Variants in IGBP1 observed in about 807,000 individuals in gnomAD.
IGBP1 encodes the protein immunoglobulin binding protein 1, also known as immunoglobulin-binding protein 1.
Under a neutral mutation model 25.9 loss-of-function variants are expected in IGBP1, and 2 were observed. The ratio of observed to expected loss-of-function variants is 0.08; its 90% CI spans 0.03 to 0.24. The LOEUF is 0.24. Among genes scored for constraint, IGBP1 ranks in the 10% least tolerant of loss-of-function variants. The pLI, the probability that IGBP1 is intolerant of heterozygous loss-of-function variation, is 1.00. For synonymous variants in IGBP1, 96 were observed against 93.4 expected, an observed-to-expected ratio of 1.03 and a Z score of -0.16; for missense variants, 187 against 260.4, an observed-to-expected ratio of 0.72 and a Z score of 1.94.
chrX:70,165,919 G>A lies in IGBP1; in HGVS notation c.958G>A (p.Glu320Lys). The change falls in exon 7 of 7, where the codon GAG becomes AAG. Residue 320 changes from glutamate to lysine, a missense_variant. By Grantham distance (56) the Glu-to-Lys change is moderately conservative. Coordinates refer to ENST00000356413, the MANE Select transcript of IGBP1 (RefSeq NM_001551.3). ...TGAACAAACACTCCACAGAGCCCGG[G>A]AGTGGGATGACTGGAAGGACACCCA... The part of the protein sequence containing the change: ...DDEQTLHRAR[E>K]WDDWKDTHPR... 8.3e-6 allele frequency: 10 copies of A among 1,209,955 alleles called. No homozygotes were observed. The highest frequency in any genetic ancestry group is 1.1e-5 in the Non-Finnish European group (10 of 894,110).
intron 5 of IGBP1, among the ~76,000 whole-genome samples, chrX:70,149,273 CT>C (rs1320590737): frequency 9.2e-6 from 1 of 108,914 alleles, no homozygotes; most frequent in East Asian, 3.0e-4. Context: ...GGAAGTTGTT[CT>C]TTTATCTAAG....
At position 70,141,910 on chromosome X, in the gene IGBP1, TA is replaced by T. The variant is rs930714637; in HGVS notation, c.483-4715del. Among the ~76,000 whole-genome samples, 13 of 107,685 alleles carry T rather than the reference TA, an allele frequency of 1.2e-4. 2 individuals are homozygous for T. Among genetic ancestry groups the T allele is most frequent in the Non-Finnish European group, 1.1e-4 (6 of 52,235 alleles). 93.5% of individuals were successfully genotyped at this position (107,685 alleles called of 115,157 possible). A position where few individuals can be genotyped will look rare whatever the true frequency, so the allele number is the denominator to read the frequency against. Reference sequence around the variant, plus strand: ...ACATTCTTATCCCCATTTTAGAGATTAAAAAAAAGGGGGGGGGCTCTGAGAA... The same window carrying T: ...ACATTCTTATCCCCATTTTAGAGATTAAAAAAAGGGGGGGGGCTCTGAGAA... On this transcript the variant is annotated intron_variant, in intron 3 of 6. Transcript: ENST00000356413.
At chrX:70,152,503 C>G (rs1416134446) in intron 6 of IGBP1, among the ~76,000 whole-genome samples, 1 of 111,633 alleles carries the variant, frequency 9.0e-6, no homozygotes, top group Non-Finnish European at 1.9e-5. Context: ...ACTCATAACT[C>G]AAAAGAAAAG....
chrX:70,148,871 C>G, intron 5 of IGBP1, 31 bp downstream of exon 5: 1 of 989,291 alleles, frequency 1.0e-6, no homozygotes, highest in East Asian at 3.1e-5. Flanking sequence ...TGCTTTGCAG[C>G]CCTCTGCTTT....
intron 3 of IGBP1, among the ~76,000 whole-genome samples, chrX:70,144,700 G>A (rs765402739): frequency 1.3e-5 from 1 of 74,975 alleles, no homozygotes; most frequent in African/African-American, 5.6e-5. Flanking sequence ...TCACTCTGTT[G>A]CCAGGCTGGA....
intron 3 of IGBP1, among the ~76,000 whole-genome samples, chrX:70,137,995 G>C (rs952911133): frequency 9.2e-6 from 1 of 108,251 alleles, no homozygotes; most frequent in East Asian, 2.9e-4. Flanking sequence ...AATTATCCGG[G>C]GGTGGTGATG....
chrX:70,148,312 A>C (rs2085180395), intron 4 of IGBP1, among the ~76,000 whole-genome samples: 1 of 111,862 alleles, frequency 8.9e-6, no homozygotes, highest in Admixed American at 9.5e-5. Flanking sequence ...TGACTTCTAA[A>C]GCACCGTAGA....
chrX:70,137,692 C>T (rs984540228), intron 3 of IGBP1, among the ~76,000 whole-genome samples: 5 of 96,071 alleles, frequency 5.2e-5, no homozygotes, highest in African/African-American at 2.0e-4. Flanking sequence ...AAGTTGAGGG[C>T]GGCCTGTCAG....
chrX:70,138,542 G>A (rs1480681783), intron 3 of IGBP1, among the ~76,000 whole-genome samples: 1 of 104,068 alleles, frequency 9.6e-6, no homozygotes, highest in Non-Finnish European at 2.0e-5. Context: ...ATTGTAGAAA[G>A]TTTGCAAAAC....
chrX:70,139,211 G>A (rs1200111358), intron 3 of IGBP1, among the ~76,000 whole-genome samples: 2 of 108,968 alleles, frequency 1.8e-5, no homozygotes, highest in African/African-American at 6.7e-5. Flanking sequence ...TTGGGAGGCT[G>A]AGGCAGGAGA....
intron 6 of IGBP1, among the ~76,000 whole-genome samples, chrX:70,153,164 A>G (rs886805722): frequency 4.5e-5 from 5 of 112,280 alleles, no homozygotes; most frequent in Non-Finnish European, 9.4e-5. Flanking sequence ...AACAGCTTCA[A>G]AGTGGTGGGG....
At chrX:70,145,309 A>G (rs773300021) in intron 3 of IGBP1, among the ~76,000 whole-genome samples, 1 of 111,007 alleles carries the variant, frequency 9.0e-6, no homozygotes, top group African/African-American at 3.3e-5. Flanking sequence ...TAAATCAACA[A>G]ATCCTATCTA....
At position 70,152,699 on chromosome X, in the gene IGBP1, A is replaced by G. The variant is rs144797351; in HGVS notation, c.871+2377A>G. ...ACAAATTCTGGAATGGAAAAATACA[A>G]TATCTGAAAATGTAAAGTCACTGGA... On this transcript the variant is annotated intron_variant, in intron 6 of 6. Transcript: ENST00000356413. Among the ~76,000 whole-genome samples the G allele has an allele frequency of 2.4e-3, 274 of 112,571 alleles. 2 individuals carry two copies. The highest frequency in any genetic ancestry group is 8.2e-3 in the African/African-American group (255 of 31,043).
At chrX:70,165,529 G>A (rs187271238) in intron 6 of IGBP1, among the ~76,000 whole-genome samples, 2 of 110,414 alleles carry the variant, frequency 1.8e-5, no homozygotes, top group Non-Finnish European at 3.8e-5. Context: ...GCTTGGGGGG[G>A]GTGGGTGTTG....
chrX:70,162,990 A>G (rs1463914504), intron 6 of IGBP1, among the ~76,000 whole-genome samples: 3 of 110,321 alleles, frequency 2.7e-5, no homozygotes, highest in African/African-American at 9.9e-5. Flanking sequence ...AATAATAATA[A>G]TAGTTGCAAC....
At chrX:70,159,492 A>C (rs911588380) in intron 6 of IGBP1, among the ~76,000 whole-genome samples, 2 of 111,641 alleles carry the variant, frequency 1.8e-5, no homozygotes, top group Non-Finnish European at 3.8e-5. Context: ...ACGGGTGCTC[A>C]GGGTGGCTGT....
chrX:70,143,593 T>A (rs778206496), intron 3 of IGBP1, among the ~76,000 whole-genome samples: 14 of 111,194 alleles, frequency 1.3e-4, no homozygotes, highest in Non-Finnish European at 2.1e-4. Context: ...GTTACAAGGA[T>A]AGGGGATTCT....
At chrX:70,156,483 A>T (rs781004747) in intron 6 of IGBP1, among the ~76,000 whole-genome samples, 1 of 111,987 alleles carries the variant, frequency 8.9e-6, no homozygotes, top group East Asian at 2.8e-4. Flanking sequence ...ACCACAATGG[A>T]ATTAAATTAG....
intron 3 of IGBP1, among the ~76,000 whole-genome samples, chrX:70,143,009 C>T (rs1323899672): frequency 9.5e-6 from 1 of 105,277 alleles, no homozygotes; most frequent in African/African-American, 3.5e-5. Flanking sequence ...CTGCAAGCTC[C>T]GCCTCCCGGG....
Sources: allele counts gnomAD v4.1 joint callset (sites outside exome capture counted in the v4.1 genomes callset), GRCh38; gene constraint gnomAD v4.1.1; transcripts MANE v1.5; gene names NCBI Gene and HGNC (gene_info 2026-07-23, HGNC 2026-07-21).